The following ADAMTSL1 variants were observed in gnomAD, a reference collection of about 807,000 sequenced individuals.
ADAMTSL1 encodes the protein ADAMTS like 1.
ADAMTSL1 carries 126 observed loss-of-function variants against 201.8 expected under a neutral mutation model. The ratio of observed to expected loss-of-function variants is 0.62; its 90% CI spans 0.54 to 0.72. The LOEUF (loss-of-function observed/expected upper bound fraction) is 0.72, where lower values mean the gene tolerates loss of function less well. ADAMTSL1 is among the 30% of genes least tolerant of loss of function. ADAMTSL1 has a pLI of 0.00. For synonymous variants in ADAMTSL1, 1,121 were observed against 903.4 expected, an observed-to-expected ratio of 1.24 and a Z score of -4.32; for missense variants, 2,679 against 2,277.8, an observed-to-expected ratio of 1.18 and a Z score of -3.59.
At chr9:18,711,772 G>C (rs1312966235) in intron 14 of ADAMTSL1, among the ~76,000 whole-genome samples, 1 of 152,098 alleles carries the variant, frequency 6.6e-6, no homozygotes, top group East Asian at 1.9e-4. Context: ...GCCTGCCTCT[G>C]TAGGCTCCAC....
In ADAMTSL1 at chr9:18,764,800, A is replaced by C. The variant is rs147666640; in HGVS notation, c.2218-5802A>C. Among the ~76,000 whole-genome samples the C allele has an allele frequency of 5.7e-3, 873 of 152,316 alleles. 8 individuals are homozygous for C. Among genetic ancestry groups the C allele is most frequent in the African/African-American group, 0.02 (830 of 41,572 alleles). ...CCATTGATAATATCCTAAAAGCTTT[A>C]TGTATACATCAAAATTGTAAATGAC... is the stretch of plus-strand genomic sequence containing the variant. On this transcript the variant is annotated intron_variant, in intron 16 of 28. Coordinates refer to ENST00000380548, the MANE Select transcript of ADAMTSL1 (RefSeq NM_001040272.6).
intron 2 of ADAMTSL1, among the ~76,000 whole-genome samples, chr9:18,290,566 G>C (rs1489683282): frequency 6.6e-6 from 1 of 151,972 alleles, no homozygotes; most frequent in Non-Finnish European, 1.5e-5. Context: ...CATGGGGGCT[G>C]TGATGTAAAA....
chr9:18,329,161 C>A (rs1834939076), intron 2 of ADAMTSL1, among the ~76,000 whole-genome samples: 1 of 152,048 alleles, frequency 6.6e-6, no homozygotes, highest in Non-Finnish European at 1.5e-5. Flanking sequence ...GCTCCTTTGC[C>A]CCTTCTACCC....
At chr9:18,700,067 T>C (rs533608151) in intron 13 of ADAMTSL1, among the ~76,000 whole-genome samples, 82 of 152,358 alleles carry the variant, frequency 5.4e-4, no homozygotes, top group African/African-American at 1.9e-3. Context: ...AGATATTTCC[T>C]AATAAGTTAG....
At chr9:18,321,227 A>G (rs1441891994) in intron 2 of ADAMTSL1, among the ~76,000 whole-genome samples, 4 of 152,190 alleles carry the variant, frequency 2.6e-5, no homozygotes, top group Admixed American at 6.5e-5. Context: ...GATATTTTGT[A>G]ATAATAAAAG....
chr9:18,865,305 C>G (rs1827459820), intron 23 of ADAMTSL1, among the ~76,000 whole-genome samples: 1 of 152,064 alleles, frequency 6.6e-6, no homozygotes, highest in Non-Finnish European at 1.5e-5. Flanking sequence ...GTTTTTTGTC[C>G]TTGCAATAGT....
intron 1 of ADAMTSL1, among the ~76,000 whole-genome samples, chr9:18,085,780 T>TAC (rs1354949253): frequency 3.6e-4 from 54 of 149,946 alleles, no homozygotes; most frequent in South Asian, 6.3e-4. Context: ...TATATATATA[T>TAC]ACACACACAC....
rs1027572605 is a variant in ADAMTSL1 at position 18,680,344 on chromosome 9, C to T, written c.1169C>T (p.Ser390Phe). The change falls in exon 11 of 29, where the codon TCC (serine) becomes TTC (phenylalanine). Residue 390 changes from serine (S) to phenylalanine (F), a missense_variant. Transcript: ENST00000380548. ...WEATPWTACSSSCGGGIQSRA... is the reference protein window; with the variant it reads ...WEATPWTACSFSCGGGIQSRA... ...GCCACCCCATGGACCGCGTGCTCCT[C>T]CTCGTGTGGGGGGGGCATCCAGAGC... The T allele has an allele frequency of 2.5e-6, 4 of 1,614,028 alleles. No individual in the cohort carries two copies. The highest frequency in any genetic ancestry group is 3.4e-6 in the Non-Finnish European group (4 of 1,180,040).
At chr9:18,648,550 A>G (rs576902485) in intron 7 of ADAMTSL1, among the ~76,000 whole-genome samples, 6,536 of 151,066 alleles carry the variant, frequency 0.043, 192 homozygotes, top group South Asian at 0.085. Flanking sequence ...CATGTTTAGC[A>G]CTTCCTTCAG....
intron 2 of ADAMTSL1, among the ~76,000 whole-genome samples, chr9:18,181,006 G>T (rs1438384677): frequency 6.6e-6 from 1 of 152,054 alleles, no homozygotes; most frequent in East Asian, 1.9e-4. Flanking sequence ...TCTGATCTTT[G>T]ACAAACCTGA....
At chr9:18,275,092 C>A (rs1218227133) in intron 2 of ADAMTSL1, among the ~76,000 whole-genome samples, 3 of 152,014 alleles carry the variant, frequency 2.0e-5, no homozygotes, top group Admixed American at 2.0e-4. Flanking sequence ...TCCATCTGGG[C>A]AAAATTTGTA....
chr9:18,503,410 T>C (rs1822943661), intron 1 of ADAMTSL1, among the ~76,000 whole-genome samples: 2 of 144,846 alleles, frequency 1.4e-5, no homozygotes. Flanking sequence ...GGCTGAATAG[T>C]ATTCCATTGT....
intron 20 of ADAMTSL1, among the ~76,000 whole-genome samples, chr9:18,814,528 A>G (rs561229801): frequency 3.5e-4 from 53 of 152,332 alleles, no homozygotes; most frequent in African/African-American, 1.2e-3. Flanking sequence ...AACAACAAAA[A>G]ATAATTTTCA....
chr9:18,577,434 C>T (rs531220428), intron 4 of ADAMTSL1, among the ~76,000 whole-genome samples: 15 of 152,170 alleles, frequency 9.9e-5, no homozygotes, highest in African/African-American at 2.6e-4. Flanking sequence ...TGCAGTGAGC[C>T]GAGATTGCAC....
chr9:18,548,072 A>G (rs986592164), intron 3 of ADAMTSL1, among the ~76,000 whole-genome samples: 1 of 152,094 alleles, frequency 6.6e-6, no homozygotes, highest in Non-Finnish European at 1.5e-5. Context: ...TAAAATTAAT[A>G]AAGTCAATCC....
At chr9:17,991,529 T>G (rs1819150123) in intron 1 of ADAMTSL1, among the ~76,000 whole-genome samples, 2 of 152,060 alleles carry the variant, frequency 1.3e-5, no homozygotes, top group Non-Finnish European at 2.9e-5. Flanking sequence ...CAGAAAAGGC[T>G]TTGTCTTCTA....
chr9:18,676,041 A>G (rs901621571), intron 10 of ADAMTSL1, 134 bp downstream of exon 10: 2 of 876,142 alleles, frequency 2.3e-6, no homozygotes, highest in East Asian at 2.7e-5. Context: ...ATATTTTGCA[A>G]TCCATCCTGA....
At chr9:18,230,818 G>T (rs977396212) in intron 2 of ADAMTSL1, among the ~76,000 whole-genome samples, 8 of 152,136 alleles carry the variant, frequency 5.3e-5, no homozygotes, top group African/African-American at 1.9e-4. Flanking sequence ...TTAGGCACCA[G>T]ATGTTAAAAT....
intron 1 of ADAMTSL1, among the ~76,000 whole-genome samples, chr9:17,959,481 CAG>C (rs1306836911): frequency 1.3e-5 from 2 of 151,862 alleles, no homozygotes; most frequent in African/African-American, 2.4e-5. Flanking sequence ...TTTTTTGAGA[CAG>C]AGTCTCGCTC....
Sources: gnomAD v4.1 joint callset for allele counts (sites outside exome capture counted in the v4.1 genomes callset) on GRCh38, gnomAD v4.1.1 for gene constraint, MANE v1.5 for transcripts, NCBI Gene and HGNC (gene_info 2026-07-23, HGNC 2026-07-21) for gene names.